Variants in SNTG2 observed in about 807,000 individuals in gnomAD.
SNTG2 encodes the protein gamma-2-syntrophin.
SNTG2 carries 74 observed loss-of-function variants against 70.9 expected under a neutral mutation model. That is an observed-to-expected ratio of 1.04 (90% CI 0.86 to 1.27). SNTG2 has a LOEUF of 1.27. Among genes scored for constraint, SNTG2 ranks in the 50% most tolerant of loss-of-function variants. SNTG2 has a pLI of 0.00. For missense variants in SNTG2, 717 were observed against 690.7 expected (o/e 1.04, Z -0.43); for synonymous variants, 278 against 273.8 (o/e 1.02, Z -0.15).
intron 14 of SNTG2, among the ~76,000 whole-genome samples, chr2:1,273,628 A>C (rs1679148398): frequency 7.0e-6 from 1 of 142,206 alleles, no homozygotes; most frequent in Admixed American, 6.9e-5. Context: ...CATTATATAC[A>C]TAAATATTAT....
At chr2:1,281,142 C>T (rs1197879929) in intron 14 of SNTG2, among the ~76,000 whole-genome samples, 2 of 151,350 alleles carry the variant, frequency 1.3e-5, no homozygotes, top group African/African-American at 4.9e-5. Context: ...CACTCACTCT[C>T]CCGTCTTGGA....
At chr2:1,223,462 A>G (rs147637746) in intron 9 of SNTG2, among the ~76,000 whole-genome samples, 3 of 152,302 alleles carry the variant, frequency 2.0e-5, no homozygotes, top group African/African-American at 7.2e-5. Flanking sequence ...GTCTCTGCCA[A>G]CTGCGTCGGA....
At chr2:1,025,176 G>T (rs7576891) in intron 1 of SNTG2, among the ~76,000 whole-genome samples, 2 of 151,978 alleles carry the variant, frequency 1.3e-5, no homozygotes, top group African/African-American at 4.8e-5. Context: ...GAGTAATGCA[G>T]GGTCTGAGTA....
intron 8 of SNTG2, among the ~76,000 whole-genome samples, chr2:1,207,222 A>C (rs1371940299): frequency 6.6e-6 from 1 of 152,232 alleles, no homozygotes; most frequent in African/African-American, 2.4e-5. Flanking sequence ...TCGTGCATGC[A>C]CCAAAGGTGA....
At chr2:1,050,405 CTATT>C (rs1572300718) in intron 1 of SNTG2, among the ~76,000 whole-genome samples, 2 of 152,050 alleles carry the variant, frequency 1.3e-5, no homozygotes, top group Non-Finnish European at 2.9e-5. Flanking sequence ...TGTTTCCTTC[CTATT>C]TATTGTAGAG....
chr2:1,234,549 C>A (rs546904375), intron 9 of SNTG2, among the ~76,000 whole-genome samples: 2 of 152,298 alleles, frequency 1.3e-5, no homozygotes, highest in African/African-American at 4.8e-5. Flanking sequence ...ATCGTACGGA[C>A]AAGGAAAGCC....
chr2:1,092,193 ATTGTT>A (rs1665072566), intron 2 of SNTG2, among the ~76,000 whole-genome samples: 1 of 152,176 alleles, frequency 6.6e-6, no homozygotes, highest in South Asian at 2.1e-4. Context: ...ATACTTCAGA[ATTGTT>A]TTTCTATAAA....
intron 11 of SNTG2, 112 bp downstream of exon 11, chr2:1,239,888 T>C: frequency 7.6e-7 from 1 of 1,313,708 alleles, no homozygotes; most frequent in Non-Finnish European, 1.1e-6. Context: ...TGAAATTTGA[T>C]TTGAAAATGT....
chr2:1,120,192 T>G (rs557951869), intron 4 of SNTG2, among the ~76,000 whole-genome samples: 4 of 152,278 alleles, frequency 2.6e-5, no homozygotes, highest in Admixed American at 6.5e-5. Flanking sequence ...GAAAATGGCA[T>G]TTGTCATTCT....
intron 1 of SNTG2, among the ~76,000 whole-genome samples, chr2:1,039,621 A>G (rs1661318967): frequency 6.6e-6 from 1 of 152,184 alleles, no homozygotes; most frequent in Admixed American, 6.5e-5. Context: ...TTTATCAGAC[A>G]CTGGTATGGT....
intron 8 of SNTG2, among the ~76,000 whole-genome samples, chr2:1,180,809 GA>G (rs1470914151): frequency 6.6e-6 from 1 of 151,894 alleles, no homozygotes; most frequent in African/African-American, 2.4e-5. Flanking sequence ...CGAAGACTTG[GA>G]ACCAACCCAA....
intron 1 of SNTG2, among the ~76,000 whole-genome samples, chr2:1,048,913 C>T (rs1661895747): frequency 6.6e-6 from 1 of 152,174 alleles, no homozygotes; most frequent in South Asian, 2.1e-4. Flanking sequence ...GCATTCTCTG[C>T]TGATTAAATC....
chr2:1,062,596 G>C (rs35713411), intron 1 of SNTG2, among the ~76,000 whole-genome samples: 26,962 of 152,126 alleles, frequency 0.18, 2,467 homozygotes, highest in South Asian at 0.22. Flanking sequence ...AGAATTAACA[G>C]TCATTCTTCA....
At chr2:1,168,732 A>T (rs1670921080) in intron 7 of SNTG2, among the ~76,000 whole-genome samples, 1 of 152,198 alleles carries the variant, frequency 6.6e-6, no homozygotes, top group Non-Finnish European at 1.5e-5. Flanking sequence ...AGTAAGATTC[A>T]CTGCATGCCT....
At chr2:1,057,424 A>T (rs982691005) in intron 1 of SNTG2, among the ~76,000 whole-genome samples, 2 of 152,148 alleles carry the variant, frequency 1.3e-5, no homozygotes, top group African/African-American at 4.8e-5. Flanking sequence ...CACGTTCACA[A>T]GTGTGAACAT....
At chr2:1,314,776 C>G (rs1051438190) in intron 15 of SNTG2, among the ~76,000 whole-genome samples, 1 of 152,154 alleles carries the variant, frequency 6.6e-6, no homozygotes, top group African/African-American at 2.4e-5. Flanking sequence ...CTGGGGAGGC[C>G]TCACAATCAT....
chr2:1,169,141 C>CTA (rs1670953904), intron 7 of SNTG2, among the ~76,000 whole-genome samples: 1 of 152,156 alleles, frequency 6.6e-6, no homozygotes, highest in Non-Finnish European at 1.5e-5. Flanking sequence ...TCTGCAGCAG[C>CTA]TGTGACCATA....
intron 8 of SNTG2, 60 bp from the exon 9 acceptor site, chr2:1,209,043 T>G: frequency 1.3e-6 from 2 of 1,593,424 alleles, no homozygotes; most frequent in Middle Eastern, 4.1e-4. Context: ...TGCAGATGCC[T>G]CTCCCCGCAT....
At position 1,288,269 on chromosome 2, in the gene SNTG2, A is replaced by G. The variant is rs560765520; in HGVS notation, c.1285-20225A>G. Among the ~76,000 whole-genome samples the G allele has an allele frequency of 2.1e-4, 32 of 152,306 alleles. No homozygotes were observed. The South Asian group carries it at 6.6e-3, about 32-fold the overall frequency. ...TCTCTGTGCACAGATCTGACATCAT[A>G]TCTAGACCACTCAGAGCAATGTGTT... On this transcript the variant is annotated intron_variant, in intron 14 of 16. Transcript: ENST00000308624.
Sources: allele counts gnomAD v4.1 joint callset (sites outside exome capture counted in the v4.1 genomes callset), GRCh38; gene constraint gnomAD v4.1.1; transcripts MANE v1.5; gene names NCBI Gene and HGNC (gene_info 2026-07-23, HGNC 2026-07-21).